The following GLI3 variants were observed in gnomAD, a reference collection of about 807,000 sequenced individuals.
The protein encoded by GLI3 is GLI family zinc finger 3, also known as transcription activator GLI3.
GLI3 carries 20 observed loss-of-function variants against 100.8 expected under a neutral mutation model. The observed-to-expected ratio is 0.20, with a 90% confidence interval of 0.14 to 0.29. GLI3 has a LOEUF of 0.29. GLI3 is among the 10% of genes least tolerant of loss of function. The pLI, the probability that GLI3 is intolerant of heterozygous loss-of-function variation, is 1.00. For missense variants in GLI3, 2,040 were observed against 2,128.5 expected, an observed-to-expected ratio of 0.96 and a Z score of 0.82; for synonymous variants, 938 against 860.5, an observed-to-expected ratio of 1.09 and a Z score of -1.58.
At chr7:42,111,841 C>T (rs961663558) in intron 3 of GLI3, among the ~76,000 whole-genome samples, 6 of 152,094 alleles carry the variant, frequency 3.9e-5, no homozygotes, top group Non-Finnish European at 7.3e-5. Flanking sequence ...ATGAGCATTG[C>T]GGGTAAGCTG....
chr7:41,964,081 T>TTTTA lies in GLI3; in HGVS notation c.*248_*249insTAAA. On this transcript the variant is annotated 3_prime_UTR_variant, in exon 15 of 15. Coordinates refer to ENST00000395925, the MANE Select transcript of GLI3 (RefSeq NM_000168.6). ...GGCTTACAGTTTTTTTTTTTTTTTT[T>TTTTA]AAAAAGAGGGTGGTTTGAGTGTAAC... 7.2e-6 allele frequency: 2 copies of TTTTA among 279,562 alleles called. No individual in the cohort carries two copies. Among genetic ancestry groups the TTTTA allele is most frequent in the Admixed American group, 4.9e-5 (1 of 20,230 alleles). The allele number at this position is 279,562 out of a possible 1,614,324, so 17.3% of individuals were successfully genotyped here.
Position 42,106,258 on chromosome 7 carries a change from C to A in GLI3, c.368-29401G>T, listed in dbSNP as rs114913338. Among the ~76,000 whole-genome samples the A allele has an allele frequency of 2.1e-3, 327 of 152,338 alleles. 2 individuals carry two copies. Among genetic ancestry groups the A allele is most frequent in the African/African-American group, 7.4e-3 (309 of 41,566 alleles). ...ATCTGCACGTCCTCTGAGAGCACAG[C>A]CCAGAGGCTGAGCATGCTCACAGAC... is the stretch of plus-strand genomic sequence containing the variant. On this transcript the variant is annotated intron_variant, in intron 3 of 14. Transcript: ENST00000395925.
At chr7:42,134,179 G>A (rs1266599993) in intron 3 of GLI3, among the ~76,000 whole-genome samples, 1 of 152,122 alleles carries the variant, frequency 6.6e-6, no homozygotes, top group African/African-American at 2.4e-5. Flanking sequence ...CAGTGGGGTA[G>A]GTAGTCCCCA....
chr7:41,978,555 T>C (rs771444413), intron 11 of GLI3, 44 bp downstream of exon 11: 57 of 1,601,178 alleles, frequency 3.6e-5, no homozygotes, highest in South Asian at 1.4e-4. Context: ...CTTATGAGTA[T>C]GGGGAAGGAC....
At chr7:42,102,806 CTT>C (rs1168718367) in intron 3 of GLI3, among the ~76,000 whole-genome samples, 2 of 152,186 alleles carry the variant, frequency 1.3e-5, no homozygotes, top group Non-Finnish European at 2.9e-5. Flanking sequence ...TCATTTGAAA[CTT>C]TTGTCTTTAA....
intron 1 of GLI3, among the ~76,000 whole-genome samples, chr7:42,230,846 G>A (rs1788683699): frequency 6.6e-6 from 1 of 152,172 alleles, no homozygotes. Flanking sequence ...ACTTTCTACG[G>A]GGTTAGCTGG....
chr7:42,110,274 C>T (rs1419929405), intron 3 of GLI3, among the ~76,000 whole-genome samples: 1 of 152,154 alleles, frequency 6.6e-6, no homozygotes, highest in Non-Finnish European at 1.5e-5. Context: ...TTTAAAAATT[C>T]CTTTTACAAC....
intron 10 of GLI3, among the ~76,000 whole-genome samples, chr7:42,021,342 A>G (rs1475018890): frequency 6.6e-6 from 1 of 152,196 alleles, no homozygotes; most frequent in African/African-American, 2.4e-5. Flanking sequence ...AAAATAGTCC[A>G]CTGTATATGT....
intron 3 of GLI3, among the ~76,000 whole-genome samples, chr7:42,111,381 G>A (rs1785702821): frequency 6.6e-6 from 1 of 152,166 alleles, no homozygotes; most frequent in African/African-American, 2.4e-5. Context: ...CAGATCAAGG[G>A]GTCTGGACGG....
At chr7:42,258,575 A>G (rs1789108732) in intron 1 of GLI3, among the ~76,000 whole-genome samples, 1 of 152,240 alleles carries the variant, frequency 6.6e-6, no homozygotes. Flanking sequence ...GGCTACAATA[A>G]CAAAATAGCA....
chr7:42,115,998 A>T (rs1483752219), intron 3 of GLI3, among the ~76,000 whole-genome samples: 1 of 152,106 alleles, frequency 6.6e-6, no homozygotes, highest in Non-Finnish European at 1.5e-5. Flanking sequence ...TCAAATGAAC[A>T]GGGAGGGCAT....
chr7:42,023,326 T>C, intron 10 of GLI3, 142 bp downstream of exon 10: 1 of 804,684 alleles, frequency 1.2e-6, no homozygotes, highest in Non-Finnish European at 2.0e-6. Context: ...GAGTTTTCTT[T>C]ATTCTCAGAA....
At chr7:42,244,881 G>A (rs1788956957) in intron 1 of GLI3, among the ~76,000 whole-genome samples, 1 of 152,150 alleles carries the variant, frequency 6.6e-6, no homozygotes, top group African/African-American at 2.4e-5. Flanking sequence ...CAAAGAGAAG[G>A]CTTTCACTTG....
intron 2 of GLI3, among the ~76,000 whole-genome samples, chr7:42,193,799 T>G (rs1166868572): frequency 6.6e-6 from 1 of 152,174 alleles, no homozygotes; most frequent in African/African-American, 2.4e-5. Context: ...TTACGAAATA[T>G]TCCAACATAC....
chr7:42,194,018 T>C (rs1787878093), intron 2 of GLI3, among the ~76,000 whole-genome samples: 2 of 152,212 alleles, frequency 1.3e-5, no homozygotes, highest in South Asian at 2.1e-4. Flanking sequence ...AGTATGTACA[T>C]TTCCTGTGGA....
chr7:42,043,473 T>C (rs1784184015), intron 6 of GLI3, among the ~76,000 whole-genome samples: 1 of 152,380 alleles, frequency 6.6e-6, no homozygotes, highest in African/African-American at 2.4e-5. Flanking sequence ...AGTTCTTCAC[T>C]GATCATACCA....
intron 1 of GLI3, among the ~76,000 whole-genome samples, chr7:42,224,740 G>A (rs1788551539): frequency 6.6e-6 from 1 of 152,182 alleles, no homozygotes; most frequent in Non-Finnish European, 1.5e-5. Context: ...TTTCCCTTCC[G>A]AGTGCAGCCA....
intron 3 of GLI3, among the ~76,000 whole-genome samples, chr7:42,139,007 G>A (rs2128781311): frequency 6.6e-6 from 1 of 152,280 alleles, no homozygotes; most frequent in South Asian, 2.1e-4. Flanking sequence ...GCCAGTCTTT[G>A]TTCTCATGCT....
chr7:42,240,732 C>T (rs1365290284), upstream of GLI3, among the ~76,000 whole-genome samples: 2 of 152,172 alleles, frequency 1.3e-5, no homozygotes, highest in Non-Finnish European at 2.9e-5. Flanking sequence ...AGATCATATT[C>T]TGAGGTTCCT....
Sources: gnomAD v4.1 joint callset for allele counts (sites outside exome capture counted in the v4.1 genomes callset) on GRCh38, gnomAD v4.1.1 for gene constraint, MANE v1.5 for transcripts, NCBI Gene and HGNC (gene_info 2026-07-23, HGNC 2026-07-21) for gene names.